PSMD9: variants seen among roughly 807,000 people sequenced by gnomAD.
PSMD9 encodes 26S proteasome non-ATPase regulatory subunit 9.
PSMD9 carries 26 observed loss-of-function variants against 25.9 expected under a neutral mutation model. The observed-to-expected ratio is 1.00, with a 90% CI of 0.73 to 1.39. The LOEUF (loss-of-function observed/expected upper bound fraction) is 1.39, where lower values mean the gene tolerates loss of function less well. Among genes scored for constraint, PSMD9 ranks in the 40% most tolerant of loss-of-function variants. PSMD9 has a pLI of 0.00. For missense variants in PSMD9, 303 were observed against 299.3 expected (o/e 1.01, Z -0.09); for synonymous variants, 110 against 114.5 (o/e 0.96, Z 0.25).
rs748504693 is a variant in PSMD9 at position 121,903,064 on chromosome 12, A to C, written c.512A>C (p.Gln171Pro). 5.0e-6 allele frequency: 8 copies of C among 1,614,048 alleles called. No homozygotes were observed. The East Asian group carries it at 1.8e-4, about 36-fold the overall frequency. The change falls in exon 4 of 6, where the codon CAG (glutamine) becomes CCG (proline). Residue 171 changes from glutamine to proline, a missense_variant. Physicochemically the swap from Gln to Pro is moderately conservative, Grantham distance 76. Transcript: ENST00000541212. ...GGCTCTGTGAACACCCAGAACTTCC[A>C]GTCACTGCATAACATTGGCAGTGTG... is the stretch of plus-strand genomic sequence containing the variant. ...EFGSVNTQNF[Q>P]SLHNIGSVVQ...
intron 1 of PSMD9, among the ~76,000 whole-genome samples, chr12:121,892,101 AAAGAT>A (rs548469963): frequency 6.4e-4 from 98 of 152,276 alleles, no homozygotes; most frequent in African/African-American, 2.2e-3. Context: ...AGTAAAATGA[AAAGAT>A]AAGCTCCAGA....
intron 5 of PSMD9, 40 bp downstream of exon 5, chr12:121,915,984 T>C: frequency 6.3e-7 from 1 of 1,576,000 alleles, no homozygotes; most frequent in South Asian, 1.1e-5. Context: ...TGGGGCATCA[T>C]TTGAGTGTTT....
chr12:121,899,677 G>A lies in PSMD9; in HGVS notation c.285G>A (p.Glu95=). 2 of 1,613,266 alleles carry A rather than the reference G, an allele frequency of 1.2e-6. No homozygotes were observed. The highest frequency in any genetic ancestry group is 1.7e-6 in the Non-Finnish European group (2 of 1,179,686). The change falls in exon 3 of 6, where the codon GAG becomes GAA. Residue 95 remains glutamate, a synonymous_variant. Transcript: ENST00000541212. Reference sequence around the variant, plus strand: ...AGGCAGTGATGAAGCAGGTGGAGGAGGCCCTGCACCAGCTGCACGCTCGCG... The same window carrying A: ...AGGCAGTGATGAAGCAGGTGGAGGAAGCCCTGCACCAGCTGCACGCTCGCG... ...DHKAVMKQVE[E]ALHQLHARDK...
chr12:121,910,646 G>A (rs1483769230), intron 4 of PSMD9, among the ~76,000 whole-genome samples: 1 of 150,892 alleles, frequency 6.6e-6, no homozygotes, highest in East Asian at 2.0e-4. Flanking sequence ...TGTAATCCCA[G>A]TTACTCTGGA....
intron 4 of PSMD9, 147 bp downstream of exon 4, chr12:121,903,254 C>A (rs1592945527): frequency 2.8e-6 from 2 of 706,282 alleles, no homozygotes; most frequent in Non-Finnish European, 2.4e-6. Flanking sequence ...AATTTGGTGT[C>A]TGGGGAGGGC....
At position 121,912,376 on chromosome 12, in the gene PSMD9, C is replaced by T. The variant is rs538484357; in HGVS notation, c.556-3480C>T. ...ACCCTCCATTACTGTTTTCCACTGCCGTGCACCGTTTCACATTCCCACCAG... is the reference window on the plus strand; with the variant it reads ...ACCCTCCATTACTGTTTTCCACTGCTGTGCACCGTTTCACATTCCCACCAG... On this transcript the variant is annotated intron_variant, in intron 4 of 5. Coordinates refer to ENST00000541212, the MANE Select transcript of PSMD9 (RefSeq NM_002813.7). Among the ~76,000 whole-genome samples the T allele has an allele frequency of 5.3e-5, 8 of 152,228 alleles. No homozygotes were observed. The South Asian group carries it at 8.3e-4, about 16-fold the overall frequency.
chr12:121,914,057 C>T (rs139920347), intron 4 of PSMD9, among the ~76,000 whole-genome samples: 2 of 151,962 alleles, frequency 1.3e-5, no homozygotes, highest in Non-Finnish European at 2.9e-5. Context: ...CACCATGCCT[C>T]GCTAATTTTT....
chr12:121,899,482 G>A (rs1001103727), intron 2 of PSMD9, 152 bp from the exon 3 acceptor site: 1 of 675,474 alleles, frequency 1.5e-6, no homozygotes, highest in Non-Finnish European at 2.5e-6. Context: ...CTCCATGAGG[G>A]AATGTCCTCT....
intron 1 of PSMD9, among the ~76,000 whole-genome samples, chr12:121,893,605 C>T (rs958478487): frequency 3.9e-5 from 6 of 152,154 alleles, no homozygotes; most frequent in African/African-American, 1.4e-4. Flanking sequence ...AAGCCTTTCT[C>T]CTGGCCTCTG....
chr12:121,905,694 A>ATT (rs1055181582), intron 4 of PSMD9, among the ~76,000 whole-genome samples: 1 of 149,822 alleles, frequency 6.7e-6, no homozygotes, highest in Non-Finnish European at 1.5e-5. Flanking sequence ...CGCCCAGCTA[A>ATT]TTTTTTTTTG....
At chr12:121,905,826 C>A (rs1462010021) in intron 4 of PSMD9, among the ~76,000 whole-genome samples, 3 of 151,916 alleles carry the variant, frequency 2.0e-5, no homozygotes. Context: ...GCCACTGTGG[C>A]CTGCCATTCC....
intron 4 of PSMD9, among the ~76,000 whole-genome samples, chr12:121,907,117 T>C (rs1879583871): frequency 6.6e-6 from 1 of 152,144 alleles, no homozygotes; most frequent in East Asian, 1.9e-4. Flanking sequence ...TTGCCTAGGC[T>C]GGAGTGCAAT....
intron 1 of PSMD9, chr12:121,894,205 A>G (rs1879167363): frequency 6.5e-6 from 1 of 154,600 alleles, no homozygotes; most frequent in African/African-American, 2.4e-5. Flanking sequence ...CAAAACCTAC[A>G]GAGGGGTATA....
At chr12:121,902,670 C>T (rs1879435492) in intron 3 of PSMD9, 1 of 230,930 alleles carries the variant, frequency 4.3e-6, no homozygotes, top group Non-Finnish European at 8.8e-6. Flanking sequence ...CTTCTCTTAC[C>T]CTTGAACCTG....
At chr12:121,894,926 T>C in intron 2 of PSMD9, 85 bp downstream of exon 2, 1 of 1,133,426 alleles carries the variant, frequency 8.8e-7, no homozygotes, top group Non-Finnish European at 1.3e-6. Flanking sequence ...ATCTGTATTA[T>C]CTACTGCCTT....
rs1220444780 is a variant in PSMD9, at chr12:121,916,350, T to C, written c.*39T>C. On this transcript the variant is annotated 3_prime_UTR_variant, in exon 6 of 6. Coordinates refer to ENST00000541212, the MANE Select transcript of PSMD9 (RefSeq NM_002813.7). ...ACAGTAACAGGAAAGCATCTTCCCT[T>C]GCCCTGGACTTGGGTCTAGGGATTT... The C allele has an allele frequency of 1.2e-6, 2 of 1,607,306 alleles. No individual in the cohort carries two copies. The highest frequency in any genetic ancestry group is 3.3e-5 in the Admixed American group (2 of 59,998).
At chr12:121,910,118 G>T (rs1377337662) in intron 4 of PSMD9, among the ~76,000 whole-genome samples, 1 of 116,502 alleles carries the variant, frequency 8.6e-6, no homozygotes. Flanking sequence ...ATGGAGTCTC[G>T]CTCTATAGCC....
chr12:121,905,863 A>G (rs532438039), intron 4 of PSMD9, among the ~76,000 whole-genome samples: 1 of 151,992 alleles, frequency 6.6e-6, no homozygotes, highest in South Asian at 2.1e-4. Context: ...TGTATGTAGT[A>G]TGTCATTGCC....
In PSMD9 at chr12:121,899,845, G is replaced by A. The variant is rs1004587426; in HGVS notation, c.453G>A (p.Ala151=). 1.1e-5 allele frequency: 17 copies of A among 1,613,820 alleles called. No individual in the cohort carries two copies. Among genetic ancestry groups the A allele is most frequent in the African/African-American group, 2.7e-5 (2 of 74,936 alleles). The change falls in exon 3 of 6, where the codon GCG becomes GCA. Residue 151 remains alanine, a splice_region_variant and synonymous_variant. Coordinates refer to ENST00000541212, the MANE Select transcript of PSMD9 (RefSeq NM_002813.7). ...GCCCCGGCTCCCCAGCCAGCATCGCGGTAATCCAGGGGTTGGCCACTCAAG... is the reference window on the plus strand; with the variant it reads ...GCCCCGGCTCCCCAGCCAGCATCGCAGTAATCCAGGGGTTGGCCACTCAAG... ...SISPGSPASI[A]GLQVDDEIVE...
Sources: allele counts gnomAD v4.1 joint callset (sites outside exome capture counted in the v4.1 genomes callset), GRCh38; gene constraint gnomAD v4.1.1; transcripts MANE v1.5; gene names NCBI Gene and HGNC (gene_info 2026-07-23, HGNC 2026-07-21).